Variants in CPNE4 observed in about 807,000 individuals in gnomAD.
CPNE4 encodes copine-4.
In CPNE4, 25 loss-of-function variants were observed where a neutral mutation model predicts 67.9. The ratio of observed to expected loss-of-function variants is 0.37; its 90% confidence interval spans 0.27 to 0.51. The LOEUF (loss-of-function observed/expected upper bound fraction) is 0.51. CPNE4 is among the 20% of genes least tolerant of loss of function. The pLI is 0.93. For synonymous variants in CPNE4, 242 were observed against 244.9 expected (o/e 0.99, Z 0.11); for missense variants, 464 against 690.8 (o/e 0.67, Z 3.68).
chr3:132,001,984 A>G (rs1419110083), intron 1 of CPNE4, among the ~76,000 whole-genome samples: 1 of 152,028 alleles, frequency 6.6e-6, no homozygotes. Flanking sequence ...TCCTTTCCAA[A>G]CATTTTTATT....
chr3:131,677,115 A>G (rs907244092), intron 6 of CPNE4, among the ~76,000 whole-genome samples: 1 of 151,010 alleles, frequency 6.6e-6, no homozygotes, highest in African/African-American at 2.4e-5. Context: ...TTTAATTTGC[A>G]TTTCTCTAAT....
intron 1 of CPNE4, among the ~76,000 whole-genome samples, chr3:131,978,176 AATAT>A (rs1196780381): frequency 6.7e-5 from 4 of 59,860 alleles, no homozygotes; most frequent in South Asian, 4.1e-4. Context: ...TAAATATGTA[AATAT>A]ATATAATATA....
At chr3:131,605,508 A>T (rs1409068451) in intron 7 of CPNE4, among the ~76,000 whole-genome samples, 2 of 152,062 alleles carry the variant, frequency 1.3e-5, no homozygotes, top group African/African-American at 4.8e-5. Flanking sequence ...CATTCCATAG[A>T]ATTATTTGGT....
Position 131,905,378 on chromosome 3 carries a change from G to A in CPNE4, c.66C>T (p.Cys22=). 1 of 1,613,496 alleles carries A rather than the reference G, an allele frequency of 6.2e-7. No individual in the cohort carries two copies. The highest frequency in any genetic ancestry group is 8.5e-7 in the Non-Finnish European group (1 of 1,179,680). Reference sequence around the variant, plus strand: ...CCACACGCAGCTCAACTTTGGTCAGGCAGGGGCTGTTAAAGATTCCCAGTG... The same window carrying A: ...CCACACGCAGCTCAACTTTGGTCAGACAGGGGCTGTTAAAGATTCCCAGTG... ...ANTLGIFNSP[C]LTKVELRVAC... The change falls in exon 2 of 16, where the codon TGC becomes TGT. Residue 22 remains cysteine (C), a synonymous_variant. Coordinates refer to ENST00000429747, the MANE Select transcript of CPNE4 (RefSeq NM_130808.3).
intron 2 of CPNE4, among the ~76,000 whole-genome samples, chr3:131,787,577 TCACC>T (rs1224313644): frequency 6.6e-6 from 1 of 152,096 alleles, no homozygotes; most frequent in Non-Finnish European, 1.5e-5. Flanking sequence ...TCTCTGATGA[TCACC>T]CTTCCTAAAG....
At chr3:131,802,049 T>G (rs55849516) in intron 2 of CPNE4, among the ~76,000 whole-genome samples, 50,773 of 151,750 alleles carry the variant, frequency 0.33, 8,694 homozygotes, top group South Asian at 0.4. Context: ...AGGCTATGCA[T>G]CTAAAGTAAG....
chr3:131,730,596 G>A (rs138294404), intron 2 of CPNE4, among the ~76,000 whole-genome samples: 95 of 152,184 alleles, frequency 6.2e-4, no homozygotes, highest in African/African-American at 2.0e-3. Flanking sequence ...GAGTATGGTC[G>A]GTTTCTGATT....
At chr3:131,714,523 T>C (rs2081637352) in intron 3 of CPNE4, among the ~76,000 whole-genome samples, 2 of 152,184 alleles carry the variant, frequency 1.3e-5, no homozygotes, top group African/African-American at 4.8e-5. Flanking sequence ...CTTCAATTTC[T>C]CCAGATAATT....
rs1935036975 is a variant in CPNE4, at chr3:131,534,632, G to C, written c.*563C>G. 6.6e-6 allele frequency: 1 copy of C among 152,218 alleles called. No individual in the cohort carries two copies. Among genetic ancestry groups the C allele is most frequent in the African/African-American group, 2.4e-5 (1 of 41,454 alleles). The allele number at this position is 152,218 out of a possible 1,614,324, so 9.4% of individuals were successfully genotyped here. A position where few individuals can be genotyped will look rare whatever the true frequency, so the allele number is the denominator to read the frequency against. On this transcript the variant is annotated 3_prime_UTR_variant, in exon 16 of 16. Coordinates refer to ENST00000429747, the MANE Select transcript of CPNE4 (RefSeq NM_130808.3). ...ACTTACCTCAAAAAGACTCACCTCAGAAAGAAGAAGTAAATAAACCTCTTC... is the reference window on the plus strand; with the variant it reads ...ACTTACCTCAAAAAGACTCACCTCACAAAGAAGAAGTAAATAAACCTCTTC...
At chr3:131,978,220 T>A (rs1371931489) in intron 1 of CPNE4, among the ~76,000 whole-genome samples, 2 of 32,524 alleles carry the variant, frequency 6.1e-5, no homozygotes, top group Admixed American at 1.6e-3. Flanking sequence ...ATATATATAA[T>A]AAATTTACAT....
At chr3:131,886,259 T>A (rs9825973) in intron 2 of CPNE4, among the ~76,000 whole-genome samples, 43,852 of 152,104 alleles carry the variant, frequency 0.29, 7,401 homozygotes, top group Non-Finnish European at 0.37. Context: ...ATATAGACAG[T>A]CTGTGGTGCA....
chr3:131,832,165 TA>T (rs1483583442), intron 2 of CPNE4, among the ~76,000 whole-genome samples: 1 of 152,216 alleles, frequency 6.6e-6, no homozygotes, highest in African/African-American at 2.4e-5. Flanking sequence ...GCGTTTGTTA[TA>T]GAAGTCTTAT....
At chr3:131,875,537 T>C (rs1004166514) in intron 2 of CPNE4, among the ~76,000 whole-genome samples, 2 of 152,062 alleles carry the variant, frequency 1.3e-5, no homozygotes, top group African/African-American at 2.4e-5. Context: ...TGTAGGGACA[T>C]GGATGAAGCT....
chr3:131,813,189 T>C (rs1046311696), intron 2 of CPNE4, among the ~76,000 whole-genome samples: 13 of 151,946 alleles, frequency 8.6e-5, no homozygotes, highest in Admixed American at 6.5e-4. Context: ...GGGAAGACTA[T>C]GTTGAAATTA....
intron 3 of CPNE4, among the ~76,000 whole-genome samples, chr3:131,723,230 G>T (rs1032228939): frequency 1.3e-5 from 2 of 152,138 alleles, no homozygotes; most frequent in Non-Finnish European, 2.9e-5. Context: ...AGAAAGTTCT[G>T]AATTTTTCAA....
chr3:131,760,454 G>GA (rs557595188), intron 2 of CPNE4, among the ~76,000 whole-genome samples: 14 of 150,770 alleles, frequency 9.3e-5, no homozygotes, highest in Non-Finnish European at 1.3e-4. Flanking sequence ...TTTTTTGGAG[G>GA]AAAAAAAAAC....
chr3:131,678,852 T>A (rs2080655110), intron 6 of CPNE4, among the ~76,000 whole-genome samples: 1 of 152,238 alleles, frequency 6.6e-6, no homozygotes, highest in African/African-American at 2.4e-5. Context: ...TGAAGATTTT[T>A]GCATCAGTGT....
chr3:131,622,852 G>T (rs1940547948), intron 7 of CPNE4, among the ~76,000 whole-genome samples: 1 of 152,210 alleles, frequency 6.6e-6, no homozygotes, highest in Non-Finnish European at 1.5e-5. Flanking sequence ...ACAGGAGTTT[G>T]CCGCTGTCCG....
At chr3:131,921,803 C>G (rs185361338) in intron 1 of CPNE4, among the ~76,000 whole-genome samples, 2 of 152,038 alleles carry the variant, frequency 1.3e-5, no homozygotes, top group Admixed American at 6.5e-5. Flanking sequence ...CATGATGAAT[C>G]GTCAAAGTAA....
Sources: gnomAD v4.1 joint callset for allele counts (sites outside exome capture counted in the v4.1 genomes callset) on GRCh38, gnomAD v4.1.1 for gene constraint, MANE v1.5 for transcripts, NCBI Gene and HGNC (gene_info 2026-07-23, HGNC 2026-07-21) for gene names.